The following SPATA6L variants were observed in gnomAD, a reference collection of about 807,000 sequenced individuals.
SPATA6L encodes spermatogenesis associated 6 like.
SPATA6L carries 68 observed loss-of-function variants against 49.2 expected under a neutral mutation model. The observed-to-expected ratio is 1.38, with a 90% CI of 1.14 to 1.69. SPATA6L has a LOEUF of 1.69. SPATA6L is among the 40% of genes most tolerant of loss of function. SPATA6L has a pLI of 0.00. For synonymous variants in SPATA6L, 198 were observed against 165.7 expected, an observed-to-expected ratio of 1.19 and a Z score of -1.50; for missense variants, 668 against 464.3, an observed-to-expected ratio of 1.44 and a Z score of -4.03.
downstream of SPATA6L, among the ~76,000 whole-genome samples, chr9:4,594,956 C>T (rs1564081453): frequency 6.6e-6 from 1 of 152,072 alleles, no homozygotes; most frequent in African/African-American, 2.4e-5. Context: ...CTAAGTGTTC[C>T]CTATTCTATC....
intron 3 of SPATA6L, among the ~76,000 whole-genome samples, chr9:4,647,427 A>C (rs1190496563): frequency 2.6e-5 from 4 of 152,064 alleles, no homozygotes; most frequent in Non-Finnish European, 4.4e-5. Context: ...CCCCGTGTCT[A>C]CTAAAAATAC....
chr9:4,656,640 AG>A (rs1587495993), intron 2 of SPATA6L, among the ~76,000 whole-genome samples: 1 of 152,238 alleles, frequency 6.6e-6, no homozygotes, highest in East Asian at 1.9e-4. Flanking sequence ...GAATAAATGA[AG>A]GATAATTAAC....
intron 3 of SPATA6L, among the ~76,000 whole-genome samples, chr9:4,644,654 A>G (rs1834887889): frequency 6.9e-6 from 1 of 144,876 alleles, no homozygotes. Context: ...CTGAGTTTTC[A>G]GTATTCTCTC....
In SPATA6L at chr9:4,643,748, T is replaced by C. The variant is rs563325157; in HGVS notation, c.227-8349A>G. On this transcript the variant is annotated intron_variant, in intron 3 of 11. Transcript: ENST00000682582. The stretch of plus-strand genomic sequence containing the variant: ...GGCCGGGGGCAGTGGCTCACGTCTG[T>C]AACCCCAGCACTCTGGGAGGCCGAA... 7.2e-5 allele frequency among the ~76,000 whole-genome samples: 11 copies of C among 152,310 alleles called. No homozygotes were observed. The East Asian group carries it at 1.2e-3, about 16-fold the overall frequency.
In SPATA6L at chr9:4,598,902, T is replaced by A. The variant is rs1030331966; in HGVS notation, c.*1909A>T. 6.6e-6 allele frequency among the ~76,000 whole-genome samples: 1 copy of A among 152,262 alleles called. No homozygotes were observed. Among genetic ancestry groups the A allele is most frequent in the African/African-American group, 2.4e-5 (1 of 41,466 alleles). ...TGCTGTTGGCCTTGCCAAGGTGGAA[T>A]GCTGGTTGTGATACAGGTTGAGTCT... On this transcript the variant is annotated 3_prime_UTR_variant, in exon 12 of 12. Coordinates refer to ENST00000682582, the MANE Select transcript of SPATA6L (RefSeq NM_001353486.2).
intron 9 of SPATA6L, among the ~76,000 whole-genome samples, chr9:4,607,885 G>A (rs1326174261): frequency 6.6e-6 from 1 of 150,522 alleles, no homozygotes; most frequent in African/African-American, 2.4e-5. Flanking sequence ...TCAGTGTGCT[G>A]TATTCAGGAA....
intron 3 of SPATA6L, among the ~76,000 whole-genome samples, chr9:4,653,928 C>T (rs144471547): frequency 6.6e-6 from 1 of 152,140 alleles, no homozygotes; most frequent in Admixed American, 6.5e-5. Context: ...CAGAGCGAGA[C>T]CCTGTCTCAA....
intron 3 of SPATA6L, among the ~76,000 whole-genome samples, chr9:4,653,800 G>T (rs1320143201): frequency 1.3e-5 from 2 of 152,156 alleles, no homozygotes; most frequent in African/African-American, 4.8e-5. Context: ...AGCTAGGCAT[G>T]GTGCTGTGCG....
At chr9:4,647,836 T>G (rs1431646868) in intron 3 of SPATA6L, among the ~76,000 whole-genome samples, 1 of 76,496 alleles carries the variant, frequency 1.3e-5, no homozygotes, top group Non-Finnish European at 2.2e-5. Context: ...AACATTTTAG[T>G]TTTTTTTTTT....
chr9:4,614,581 C>T (rs1191071824), intron 9 of SPATA6L, among the ~76,000 whole-genome samples: 1 of 152,170 alleles, frequency 6.6e-6, no homozygotes, highest in Admixed American at 6.5e-5. Context: ...GCACATCCCT[C>T]ATTCAAAAGA....
intron 3 of SPATA6L, among the ~76,000 whole-genome samples, chr9:4,644,685 T>TCACACACACA (rs59433051): frequency 5.2e-4 from 56 of 107,752 alleles, no homozygotes; most frequent in Admixed American, 3.2e-3. Context: ...TCTCTCTCTC[T>TCACACACACA]CACACACACA....
chr9:4,606,545 C>T lies in SPATA6L; in HGVS notation c.996-1105G>A, dbSNP rs539350432. Reference sequence around the variant, plus strand: ...ACCCCCCAGCAGGGGCACACTGACACCTCACACGGCCGGGTACTCCAACAG... The same window carrying T: ...ACCCCCCAGCAGGGGCACACTGACATCTCACACGGCCGGGTACTCCAACAG... On this transcript the variant is annotated intron_variant, in intron 9 of 11. Coordinates refer to ENST00000682582, the MANE Select transcript of SPATA6L (RefSeq NM_001353486.2). 5.6e-4 allele frequency among the ~76,000 whole-genome samples: 21 copies of T among 37,494 alleles called. 7 individuals carry two copies. Among genetic ancestry groups the T allele is most frequent in the South Asian group, 2.4e-3 (3 of 1,246 alleles). The allele number at this position is 37,494 out of a possible 152,430, so 24.6% of individuals were successfully genotyped here.
chr9:4,613,262 G>T (rs935115090), intron 9 of SPATA6L, among the ~76,000 whole-genome samples: 1 of 150,490 alleles, frequency 6.6e-6, no homozygotes, highest in African/African-American at 2.5e-5. Flanking sequence ...GAAAGAAAAT[G>T]ATTCTCTTTA....
At chr9:4,628,937 T>A (rs374528486) in intron 5 of SPATA6L, 154 bp downstream of exon 5, 21 of 615,780 alleles carry the variant, frequency 3.4e-5, no homozygotes, top group East Asian at 5.8e-5. Flanking sequence ...AGCAAACAGT[T>A]TGAATTATAG....
intron 3 of SPATA6L, among the ~76,000 whole-genome samples, chr9:4,638,917 TG>T (rs1402685380): frequency 6.6e-6 from 1 of 151,984 alleles, no homozygotes; most frequent in African/African-American, 2.4e-5. Context: ...CCCGAGTAAC[TG>T]GGACTACAGA....
chr9:4,591,982 T>A (rs1176021826), intron 13 of SPATA6L, among the ~76,000 whole-genome samples: 1 of 152,068 alleles, frequency 6.6e-6, no homozygotes, highest in East Asian at 1.9e-4. Context: ...CCAGGATGAG[T>A]GCCCAAGCAA....
intron 6 of SPATA6L, among the ~76,000 whole-genome samples, chr9:4,624,018 T>C (rs1434128933): frequency 6.6e-6 from 1 of 152,210 alleles, no homozygotes; most frequent in Non-Finnish European, 1.5e-5. Flanking sequence ...AAACCAACTC[T>C]ACATACAGTT....
At chr9:4,589,855 G>C (rs2129930887) in intron 13 of SPATA6L, among the ~76,000 whole-genome samples, 1 of 152,248 alleles carries the variant, frequency 6.6e-6, no homozygotes, top group East Asian at 1.9e-4. Flanking sequence ...TGCAATCCTA[G>C]ACTTTTAAAG....
intron 9 of SPATA6L, among the ~76,000 whole-genome samples, chr9:4,614,077 G>C (rs754327360): frequency 2.0e-5 from 3 of 152,162 alleles, no homozygotes; most frequent in Non-Finnish European, 2.9e-5. Context: ...AGATCTCAGA[G>C]AATGATGAGT....
Sources: allele counts gnomAD v4.1 joint callset (sites outside exome capture counted in the v4.1 genomes callset), GRCh38; gene constraint gnomAD v4.1.1; transcripts MANE v1.5; gene names NCBI Gene and HGNC (gene_info 2026-07-23, HGNC 2026-07-21).